Variants in OTC observed in about 807,000 individuals in gnomAD.
The protein encoded by OTC is ornithine transcarbamylase, mitochondrial.
OTC carries 3 observed loss-of-function variants against 30.3 expected under a neutral mutation model. The observed-to-expected ratio is 0.10, with a 90% CI of 0.05 to 0.26. The LOEUF is 0.26. OTC is among the 10% of genes least tolerant of loss of function. The pLI is 1.00. For missense variants in OTC, 194 were observed against 260.3 expected (o/e 0.75, Z 1.75); for synonymous variants, 111 against 99.7 (o/e 1.11, Z -0.67).
At chrX:38,363,425 A>T (rs1301471567) in intron 1 of OTC, among the ~76,000 whole-genome samples, 1 of 111,753 alleles carries the variant, frequency 8.9e-6, no homozygotes, top group Non-Finnish European at 1.9e-5. Flanking sequence ...CCCAACTGTG[A>T]ATTGAGAAAG....
chrX:38,369,467 C>T (rs1363632898), intron 2 of OTC, among the ~76,000 whole-genome samples: 6 of 109,605 alleles, frequency 5.5e-5, no homozygotes, highest in African/African-American at 2.0e-4. Context: ...CCTGCCTCAG[C>T]CTCTCTAGTA....
At chrX:38,371,020 AGTTCTGGGATTCTC>A (rs2068320258) in intron 3 of OTC, among the ~76,000 whole-genome samples, 1 of 111,632 alleles carries the variant, frequency 9.0e-6, no homozygotes, top group African/African-American at 3.3e-5. Context: ...GGTTGTCCTC[AGTTCTGGGATTCTC>A]CAAACTCATG....
intron 9 of OTC, among the ~76,000 whole-genome samples, chrX:38,417,469 A>AC (rs2068575461): frequency 9.0e-6 from 1 of 111,314 alleles, no homozygotes; most frequent in African/African-American, 3.3e-5. Flanking sequence ...TGTAGTCAGG[A>AC]CCCAGGGACA....
intron 9 of OTC, among the ~76,000 whole-genome samples, chrX:38,415,723 C>T (rs146404088): frequency 0.01 from 1,153 of 110,557 alleles, 6 homozygotes; most frequent in Non-Finnish European, 0.015. Context: ...GGCATGGTGG[C>T]GCACATCTGT....
intron 2 of OTC, among the ~76,000 whole-genome samples, chrX:38,368,593 CAATT>C (rs1370104581): frequency 1.9e-5 from 2 of 107,566 alleles, no homozygotes; most frequent in Non-Finnish European, 3.8e-5. Context: ...CTTCGAAAGA[CAATT>C]AATACAGTAG....
chrX:38,396,731 C>T (rs752243409), intron 4 of OTC, among the ~76,000 whole-genome samples: 76 of 111,248 alleles, frequency 6.8e-4, no homozygotes, highest in Non-Finnish European at 1.0e-3. Context: ...CGAGATCATG[C>T]CACTGCACTC....
At chrX:38,409,752 T>C (rs1056275047) in intron 8 of OTC, among the ~76,000 whole-genome samples, 5 of 111,682 alleles carry the variant, frequency 4.5e-5, no homozygotes, top group Admixed American at 3.8e-4. Flanking sequence ...AAGCAACAAA[T>C]CTACTTTGGT....
At chrX:38,367,708 CATTTATTT>C (rs200633699) in intron 2 of OTC, among the ~76,000 whole-genome samples, 135 of 108,752 alleles carry the variant, frequency 1.2e-3, no homozygotes, top group African/African-American at 4.2e-3. Context: ...GTCTGAAAAG[CATTTATTT>C]ATTTATTTAT....
At chrX:38,354,985 ATT>A (rs772237150) in intron 1 of OTC, among the ~76,000 whole-genome samples, 2,484 of 111,023 alleles carry the variant, frequency 0.022, 64 homozygotes, top group African/African-American at 0.078. Flanking sequence ...GATTCGAGTT[ATT>A]TTTTTCTCCC....
At chrX:38,383,667 G>A (rs1044356731) in intron 4 of OTC, among the ~76,000 whole-genome samples, 21 of 110,703 alleles carry the variant, frequency 1.9e-4, no homozygotes, top group Admixed American at 3.8e-4. Context: ...GCGTGGTGGC[G>A]CATGCCTGTA....
the OTC span, among the ~76,000 whole-genome samples, chrX:38,337,255 G>A: frequency 8.9e-6 from 1 of 112,318 alleles, no homozygotes; most frequent in South Asian, 3.7e-4. Flanking sequence ...TTCCTTGGCT[G>A]CTCTTTATGT....
the OTC span, among the ~76,000 whole-genome samples, chrX:38,331,555 A>G: frequency 1.2e-4 from 12 of 102,054 alleles, no homozygotes; most frequent in Non-Finnish European, 2.4e-4. Flanking sequence ...AAGTGCTGGG[A>G]TTATAGGCGT....
intron 4 of OTC, among the ~76,000 whole-genome samples, chrX:38,391,265 G>T (rs1190091593): frequency 9.0e-6 from 1 of 110,560 alleles, no homozygotes; most frequent in Non-Finnish European, 1.9e-5. Context: ...AAGGGGGGAG[G>T]GATAGTATTA....
the OTC span, among the ~76,000 whole-genome samples, chrX:38,333,720 G>A: frequency 2.0e-3 from 225 of 111,985 alleles, 1 homozygote; most frequent in South Asian, 3.7e-3. Context: ...TTTCTTTCTC[G>A]ACAGCATTCA....
chrX:38,329,986 T>C, the OTC span, among the ~76,000 whole-genome samples: 1 of 112,292 alleles, frequency 8.9e-6, no homozygotes, highest in Non-Finnish European at 1.9e-5. Context: ...TGTGAGTCTA[T>C]TGCTTTACAT....
chrX:38,362,173 C>T (rs781378100), intron 1 of OTC, among the ~76,000 whole-genome samples: 2 of 111,552 alleles, frequency 1.8e-5, no homozygotes, highest in South Asian at 3.8e-4. Flanking sequence ...TCTAAACTTT[C>T]GATTATTCTA....
the OTC span, among the ~76,000 whole-genome samples, chrX:38,333,815 A>G: frequency 3.5e-5 from 4 of 112,703 alleles, no homozygotes; most frequent in Non-Finnish European, 7.5e-5. Flanking sequence ...AATCAGATAA[A>G]CAGGTGTGTC....
chrX:38,356,767 C>T (rs2068244057), intron 1 of OTC, among the ~76,000 whole-genome samples: 1 of 110,529 alleles, frequency 9.0e-6, no homozygotes, highest in South Asian at 3.9e-4. Flanking sequence ...CGCTGGGGGT[C>T]GCGGGTTTGG....
In OTC at chrX:38,401,333, G is replaced by C. The variant is rs1180706085; in HGVS notation, c.445G>C (p.Asp149His). 1.7e-6 allele frequency: 2 copies of C among 1,195,792 alleles called. No individual in the cohort carries two copies. The highest frequency in any genetic ancestry group is 1.8e-5 in the African/African-American group (1 of 56,821). Reference protein sequence around the residue: ...LARVYKQSDLDTLAKEASIPI... With the variant: ...LARVYKQSDLHTLAKEASIPI... Reference sequence around the variant, plus strand: ...TCGAGTGTATAAACAATCAGATTTGGACACCCTGGCTAAAGAAGCATCCAT... The same window carrying C: ...TCGAGTGTATAAACAATCAGATTTGCACACCCTGGCTAAAGAAGCATCCAT... Residue 149 changes from aspartate (D) to histidine (H), a missense_variant, in exon 5 of 10, where the codon GAC becomes CAC. Asp to His is a moderately conservative substitution (Grantham distance 81, BLOSUM62 -1). Coordinates refer to ENST00000039007, the MANE Select transcript of OTC (RefSeq NM_000531.6).
Sources: allele counts gnomAD v4.1 joint callset (sites outside exome capture counted in the v4.1 genomes callset), GRCh38; gene constraint gnomAD v4.1.1; transcripts MANE v1.5; gene names NCBI Gene and HGNC (gene_info 2026-07-23, HGNC 2026-07-21).